The following MUC12 variants were observed in gnomAD, a reference collection of about 807,000 sequenced individuals.
The protein encoded by MUC12 is mucin-12.
MUC12 carries 172 observed loss-of-function variants against 230.8 expected under a neutral mutation model. The ratio of observed to expected loss-of-function variants is 0.75; its 90% CI spans 0.66 to 0.85. MUC12 has a LOEUF of 0.85. MUC12 is among the 40% of genes least tolerant of loss of function. The pLI, the probability that MUC12 is intolerant of heterozygous loss-of-function variation, is 0.00. For missense variants in MUC12, 3,506 were observed against 5,920.6 expected, an observed-to-expected ratio of 0.59 and a Z score of 13.38; for synonymous variants, 1,259 against 2,401.9, an observed-to-expected ratio of 0.52 and a Z score of 13.91.
In MUC12 at chr7:101,010,815, A is replaced by G. The variant is rs10244973; in HGVS notation, c.15252-1481A>G. The stretch of plus-strand genomic sequence containing the variant: ...CAGGTGTAAGCCACTGCCCCAGCCT[A>G]ATTTTTGTAATTTTTGCAGAGATGG... On this transcript the variant is annotated intron_variant, in intron 5 of 11. Coordinates refer to ENST00000536621, the MANE Select transcript of MUC12 (RefSeq NM_001164462.2). 6.0e-3 allele frequency among the ~76,000 whole-genome samples: 906 copies of G among 151,906 alleles called. 7 individuals are homozygous for G. Among genetic ancestry groups the G allele is most frequent in the African/African-American group, 0.02 (848 of 41,424 alleles).
intron 2 of MUC12, among the ~76,000 whole-genome samples, 154 bp downstream of exon 2, chr7:101,005,673 C>G (rs1793735961): frequency 6.6e-6 from 1 of 152,220 alleles, no homozygotes; most frequent in Non-Finnish European, 1.5e-5. Context: ...GATACCACTT[C>G]CAGTGTTCAT....
chr7:101,018,457 AGGACTCCCTCCCTC>A (rs1793991213), intron 11 of MUC12, 124 bp from the exon 12 acceptor site: 5 of 101,138 alleles, frequency 4.9e-5, no homozygotes, highest in Admixed American at 1.0e-4. Context: ...TCCTCTCCCT[AGGACTCCCTCCCTC>A]CCCCTGGGAC....
intron 5 of MUC12, among the ~76,000 whole-genome samples, chr7:101,011,676 C>T (rs1293573969): frequency 1.3e-5 from 2 of 152,192 alleles, no homozygotes; most frequent in Non-Finnish European, 2.9e-5. Context: ...CCCACCTCGG[C>T]CTCCCAAATT....
intron 3 of MUC12, among the ~76,000 whole-genome samples, chr7:101,007,952 C>T (rs1793780697): frequency 1.3e-5 from 2 of 149,700 alleles, no homozygotes; most frequent in Admixed American, 1.4e-4. Context: ...TGCCCGTCAC[C>T]ATGCCTGGCT....
rs145186653 is a variant in MUC12 at position 100,991,310 on chromosome 7, T to G, written c.747T>G (p.Ser249=). Residue 249 remains serine (S), a synonymous_variant, in exon 2 of 12, where the codon TCT becomes TCG. Coordinates refer to ENST00000536621, the MANE Select transcript of MUC12 (RefSeq NM_001164462.2). ...NTTTSGLLEA[S]TPVHSSTGSP... ...CAACCTCAGGCCTCCTTGAAGCATC[T>G]ACGCCCGTCCACAGCAGCACTGGAT... is the stretch of plus-strand genomic sequence containing the variant. The G allele has an allele frequency of 6.3e-4, 970 of 1,537,734 alleles. 8 individuals are homozygous for G. The African/African-American group carries it at 0.012, about 19-fold the overall frequency.
chr7:100,992,593 C>A lies in MUC12; in HGVS notation c.2030C>A (p.Ser677Tyr), dbSNP rs1562783444. 2.6e-6 allele frequency: 4 copies of A among 1,537,786 alleles called. No individual in the cohort carries two copies. Among genetic ancestry groups the A allele is most frequent in the African/African-American group, 1.4e-5 (1 of 73,058 alleles). Residue 677 changes from serine (S) to tyrosine (Y), a missense_variant, in exon 2 of 12, where the codon TCC becomes TAC. Ser to Tyr is a moderately radical substitution (Grantham distance 144). Coordinates refer to ENST00000536621, the MANE Select transcript of MUC12 (RefSeq NM_001164462.2). The stretch of plus-strand genomic sequence containing the variant: ...CCAACAACCCACATTTCTGCCCGCT[C>A]CACAACCTCAGGCCTCGTTGAAGAA... ...SIPTTHISAR[S>Y]TTSGLVEEST...
At chr7:100,990,562 T>A in intron 1 of MUC12, 69 bp from the exon 2 acceptor site, 1 of 1,522,226 alleles carries the variant, frequency 6.6e-7, no homozygotes, top group Non-Finnish European at 8.8e-7. Flanking sequence ...GTGTCAGAAT[T>A]GACTGCCACC....
Position 101,005,092 on chromosome 7 carries a change from G to T in MUC12, c.14529G>T (p.Val4843=), listed in dbSNP as rs1162202722. ...LSTVSPASTT[V]PGLSEESTTF... ...CAGTGTCACCTGCCAGCACCACAGT[G>T]CCAGGCCTTAGTGAGGAATCTACCA... The change falls in exon 2 of 12, where the codon GTG becomes GTT. Residue 4843 remains valine, a synonymous_variant. Coordinates refer to ENST00000536621, the MANE Select transcript of MUC12 (RefSeq NM_001164462.2). 9.8e-6 allele frequency: 15 copies of T among 1,537,706 alleles called. No individual in the cohort carries two copies. Among genetic ancestry groups the T allele is most frequent in the Non-Finnish European group, 1.3e-5 (15 of 1,147,040 alleles).
intron 3 of MUC12, among the ~76,000 whole-genome samples, chr7:101,007,963 A>AT (rs71517131): frequency 0.24 from 33,000 of 138,550 alleles, 4,012 homozygotes; most frequent in Admixed American, 0.38. Context: ...ATGCCTGGCT[A>AT]TTTTTTTTTT....
intron 1 of MUC12, among the ~76,000 whole-genome samples, chr7:100,988,535 T>G (rs1231441861): frequency 6.6e-6 from 1 of 152,180 alleles, no homozygotes; most frequent in African/African-American, 2.4e-5. Context: ...CGTATTTCTT[T>G]ATAGCAATGC....
chr7:100,975,970 C>A (rs1793024484), intron 1 of MUC12, among the ~76,000 whole-genome samples: 1 of 152,302 alleles, frequency 6.6e-6, no homozygotes, highest in Admixed American at 6.5e-5. Context: ...TCAATAGAGA[C>A]CCGATAGTCT....
intron 1 of MUC12, among the ~76,000 whole-genome samples, chr7:100,975,093 G>A (rs1373178380): frequency 1.3e-5 from 2 of 152,424 alleles, no homozygotes; most frequent in South Asian, 4.1e-4. Context: ...GTGGCCTGAG[G>A]CTCCTGGAAT....
intron 3 of MUC12, 44 bp downstream of exon 3, chr7:101,006,616 C>G (rs1420262288): frequency 7.5e-7 from 1 of 1,340,192 alleles, no homozygotes; most frequent in Non-Finnish European, 1.0e-6. Context: ...CAGGCCCTTT[C>G]ACCCCTGAAA....
Position 101,005,584 on chromosome 7 carries a change from A to G in MUC12, c.14956+65A>G, listed in dbSNP as rs1410943406. 15 of 1,450,210 alleles carry G rather than the reference A, an allele frequency of 1.0e-5. No homozygotes were observed. The South Asian group carries it at 1.8e-4, about 17-fold the overall frequency. 89.8% of individuals were successfully genotyped at this position (1,450,210 alleles called of 1,614,324 possible). On this transcript the variant is annotated intron_variant, in intron 2 of 11. Transcript: ENST00000536621. Reference sequence around the variant, plus strand: ...CCAGGCCTGTCCATGAGTCTTCTTCATCCATTACAACCTCTCTTGGTTCTT... The same window carrying G: ...CCAGGCCTGTCCATGAGTCTTCTTCGTCCATTACAACCTCTCTTGGTTCTT...
Position 101,004,344 on chromosome 7 carries a change from C to T in MUC12, c.13781C>T (p.Thr4594Ile). The T allele has an allele frequency of 2.2e-6, 3 of 1,358,698 alleles. No homozygotes were observed. The highest frequency in any genetic ancestry group is 2.9e-6 in the Non-Finnish European group (3 of 1,026,098). The allele number at this position is 1,358,698 out of a possible 1,614,324, so 84.2% of individuals were successfully genotyped here. The change falls in exon 2 of 12, where the codon ACA becomes ATA. Residue 4594 changes from threonine to isoleucine, a missense_variant. Thr to Ile is a moderately conservative substitution (Grantham distance 89). Transcript: ENST00000536621. ...TATTPSPARSTTSGLVEESTA... is the reference protein window; with the variant it reads ...TATTPSPARSITSGLVEESTA... Reference sequence around the variant, plus strand: ...ACAACACCCTCGCCTGCCCGCTCCACAACCTCAGGCCTCGTTGAAGAATCT... The same window carrying T: ...ACAACACCCTCGCCTGCCCGCTCCATAACCTCAGGCCTCGTTGAAGAATCT...
At position 101,006,573 on chromosome 7, in the gene MUC12, G is replaced by C; in HGVS notation, c.15058+1G>C. On this transcript the variant is annotated splice_donor_variant, in intron 3 of 11. Coordinates refer to ENST00000536621, the MANE Select transcript of MUC12 (RefSeq NM_001164462.2). LOFTEE classifies it high-confidence loss of function. ...TCCCCTCTGGAATCCTTCCCTGTAG[G>C]TAATGACCTTTTCTGAGACCTGCAG... 6.5e-7 allele frequency: 1 copy of C among 1,532,820 alleles called. No homozygotes were observed. The highest frequency in any genetic ancestry group is 1.2e-5 in the South Asian group (1 of 83,974). 95.0% of individuals were successfully genotyped at this position (1,532,820 alleles called of 1,614,324 possible). A position where few individuals can be genotyped will look rare whatever the true frequency, so the allele number is the denominator to read the frequency against.
At chr7:101,017,726 T>G in intron 11 of MUC12, 63 bp downstream of exon 11, 9 of 1,236,344 alleles carry the variant, frequency 7.3e-6, no homozygotes, top group East Asian at 5.3e-5. Flanking sequence ...GGGTTCCCTC[T>G]TCCCCCGGGA....
In MUC12 at chr7:101,004,823, C is replaced by A; in HGVS notation, c.14260C>A (p.Pro4754Thr). ...SSRSPDQTLS[P>T]ASMTSSSISG... The stretch of plus-strand genomic sequence containing the variant: ...CAGATCACCAGACCAAACACTCTCA[C>A]CTGCCAGCATGACAAGCTCCAGCAT... Residue 4754 changes from proline to threonine, a missense_variant, in exon 2 of 12, where the codon CCT (proline) becomes ACT (threonine). Transcript: ENST00000536621. The A allele has an allele frequency of 6.5e-7, 1 of 1,537,156 alleles. No individual in the cohort carries two copies. The highest frequency in any genetic ancestry group is 8.7e-7 in the Non-Finnish European group (1 of 1,146,478).
At chr7:100,972,180 T>C (rs5021601) in intron 1 of MUC12, 2 of 702,082 alleles carry the variant, frequency 2.8e-6, no homozygotes, top group Non-Finnish European at 5.2e-6. Context: ...CATGAGGAGA[T>C]CTGTGTAAGG....
Sources: gnomAD v4.1 joint callset for allele counts (sites outside exome capture counted in the v4.1 genomes callset) on GRCh38, gnomAD v4.1.1 for gene constraint, MANE v1.5 for transcripts, NCBI Gene and HGNC (gene_info 2026-07-23, HGNC 2026-07-21) for gene names.